SPG7: variants seen among roughly 807,000 people sequenced by gnomAD.
The protein encoded by SPG7 is SPG7 matrix AAA peptidase subunit, paraplegin.
In SPG7, 103 loss-of-function variants were observed where a neutral mutation model predicts 81.9. The observed-to-expected ratio is 1.26, with a 90% CI of 1.07 to 1.48. The LOEUF is 1.48. Among genes scored for constraint, SPG7 ranks in the 40% most tolerant of loss-of-function variants. The pLI is 0.00. For synonymous variants in SPG7, 534 were observed against 444.2 expected (o/e 1.20, Z -2.54); for missense variants, 1,241 against 1,087.3 (o/e 1.14, Z -1.99).
chr16:89,547,774 G>A (rs1226812280), intron 11 of SPG7: 18 of 487,394 alleles, frequency 3.7e-5, no homozygotes, highest in Middle Eastern at 1.1e-3. Flanking sequence ...CACCACGCCC[G>A]GCTAATTTTT....
At chr16:89,536,924 C>T (rs964388374) in intron 9 of SPG7, 15 of 1,614,188 alleles carry the variant, frequency 9.3e-6, no homozygotes, top group Non-Finnish European at 1.3e-5. Flanking sequence ...TAGAGACCAC[C>T]TTTTTGAGTG....
rs772820808 is a variant in SPG7, at chr16:89,553,071, G to A, written c.1872G>A (p.Glu624=). The change falls in exon 14 of 17, where the codon GAG becomes GAA. Residue 624 remains glutamate, a synonymous_variant. Coordinates refer to ENST00000645818, the MANE Select transcript of SPG7 (RefSeq NM_003119.4). ...TCTTCACCAAGGAGCAGCTGTTTGA[G>A]CGGATGTGCATGGCCCTGGGAGGAC... is the stretch of plus-strand genomic sequence containing the variant. ...QHLFTKEQLF[E]RMCMALGGRA... 6.2e-7 allele frequency: 1 copy of A among 1,613,890 alleles called. No homozygotes were observed. Among genetic ancestry groups the A allele is most frequent in the Non-Finnish European group, 8.5e-7 (1 of 1,179,906 alleles).
intron 9 of SPG7, chr16:89,537,092 T>C (rs1346967950): frequency 6.6e-6 from 10 of 1,523,674 alleles, no homozygotes; most frequent in South Asian, 1.2e-5. Context: ...CAAGTCCCTT[T>C]ATGCAGAGCC....
intron 3 of SPG7, 114 bp downstream of exon 3, chr16:89,513,151 A>C (rs2058045023): frequency 6.9e-7 from 1 of 1,454,244 alleles, no homozygotes; most frequent in Non-Finnish European, 9.3e-7. Context: ...GGCCGGGTGC[A>C]GTGGCTCACA....
At chr16:89,520,969 C>G (rs2058180373) in intron 3 of SPG7, 1 of 152,226 alleles carries the variant, frequency 6.6e-6, no homozygotes, top group African/African-American at 2.4e-5. Context: ...CAGGGTTGTA[C>G]TGGTTTGCGC....
rs112132424 is a variant in SPG7 at position 89,552,506 on chromosome 16, G to C, written c.1780-473G>C. 9 of 201,840 alleles carry C rather than the reference G, an allele frequency of 4.5e-5. No homozygotes were observed. The South Asian group carries it at 7.2e-4, about 16-fold the overall frequency. 12.5% of individuals were successfully genotyped at this position (201,840 alleles called of 1,614,324 possible). On this transcript the variant is annotated intron_variant, in intron 13 of 16. Transcript: ENST00000645818. ...TCCCACTCAGCGGTTCCGTGTTGTC[G>C]AGTTAGCTCGTTGCCCCGCGCCACC...
Position 89,508,425 on chromosome 16 carries a change from T to A in SPG7, c.8T>A (p.Val3Glu). The change falls in exon 1 of 17, where the codon GTG becomes GAG. Residue 3 changes from valine (V) to glutamate (E), a missense_variant. Transcript: ENST00000645818. Reference sequence around the variant, plus strand: ...CGCGGCTTTCAGGCCAACATGGCCGTGCTGCTGCTGCTGCTCCGTGCCCTC... The same window carrying A: ...CGCGGCTTTCAGGCCAACATGGCCGAGCTGCTGCTGCTGCTCCGTGCCCTC... MAVLLLLLRALRR... is the reference protein window; with the variant it reads MAELLLLLRALRR... The A allele has an allele frequency of 1.4e-6, 2 of 1,480,140 alleles. No homozygotes were observed. The highest frequency in any genetic ancestry group is 1.8e-6 in the Non-Finnish European group (2 of 1,120,810). 91.7% of individuals were successfully genotyped at this position (1,480,140 alleles called of 1,614,324 possible).
At chr16:89,554,431 G>A in intron 15 of SPG7, 55 bp from the exon 16 acceptor site, 1 of 1,217,550 alleles carries the variant, frequency 8.2e-7, no homozygotes, top group Non-Finnish European at 1.2e-6. Flanking sequence ...TCTGTGCTTT[G>A]GTGCTGGAGC....
rs377521503 is a variant in SPG7, at chr16:89,510,623, A to G, written c.286+31A>G. Reference sequence around the variant, plus strand: ...TATCTGTTTAAAGAAGCAGCTGAGCATGACTGCACACTTACCGCCTCAGCT... The same window carrying G: ...TATCTGTTTAAAGAAGCAGCTGAGCGTGACTGCACACTTACCGCCTCAGCT... On this transcript the variant is annotated intron_variant, in intron 2 of 16. Coordinates refer to ENST00000645818, the MANE Select transcript of SPG7 (RefSeq NM_003119.4). 4.6e-6 allele frequency: 6 copies of G among 1,312,552 alleles called. No homozygotes were observed. In the African/African-American group the frequency reaches 7.2e-5, roughly 16 times the overall value. The allele number at this position is 1,312,552 out of a possible 1,614,324, so 81.3% of individuals were successfully genotyped here.
chr16:89,515,583 A>G (rs2058084633), intron 3 of SPG7, among the ~76,000 whole-genome samples: 2 of 150,250 alleles, frequency 1.3e-5, no homozygotes, highest in African/African-American at 2.4e-5. Flanking sequence ...TTTATAAAAA[A>G]AAATTTGCTG....
chr16:89,532,985 G>T (rs1466388423), intron 9 of SPG7: 10 of 317,992 alleles, frequency 3.1e-5, no homozygotes, highest in Non-Finnish European at 6.1e-5. Flanking sequence ...CTGGAGAATC[G>T]CTTGAACTCG....
At chr16:89,547,858 C>T in intron 11 of SPG7, 145 bp from the exon 12 acceptor site, 1 of 721,124 alleles carries the variant, frequency 1.4e-6, no homozygotes, top group Non-Finnish European at 2.5e-6. Context: ...GGTGATCTGC[C>T]CACCTCAGCC....
At chr16:89,529,612 T>A in intron 6 of SPG7, 33 bp downstream of exon 6, 1 of 1,482,620 alleles carries the variant, frequency 6.7e-7, no homozygotes, top group Non-Finnish European at 9.4e-7. Flanking sequence ...CTCTGAACTC[T>A]TTCTGGTTTG....
intron 13 of SPG7, chr16:89,551,882 C>T (rs1406238845): frequency 1.3e-5 from 2 of 151,980 alleles, no homozygotes; most frequent in African/African-American, 4.8e-5. Flanking sequence ...CAGAGCAAGA[C>T]TGTCTCTCAA....
chr16:89,532,064 G>A lies in SPG7; in HGVS notation c.1148G>A (p.Gly383Glu). The A allele has an allele frequency of 6.2e-7, 1 of 1,612,224 alleles. No homozygotes were observed. The highest frequency in any genetic ancestry group is 1.3e-5 in the African/African-American group (1 of 75,024). Residue 383 changes from glycine to glutamate, a missense_variant and splice_region_variant, in exon 8 of 17, where the codon GGA (glycine) becomes GAA (glutamate). Physicochemically the swap from Gly to Glu is moderately conservative, Grantham distance 98 (BLOSUM62 -2). Coordinates refer to ENST00000645818, the MANE Select transcript of SPG7 (RefSeq NM_003119.4). ...MAGPEFVEVI[G>E]GLGAARVRSL... ...GGCCCAGAGTTCGTGGAGGTCATTGGAGGTAGGTGCTGTGGTTGGGGGCTG... is the reference window on the plus strand; with the variant it reads ...GGCCCAGAGTTCGTGGAGGTCATTGAAGGTAGGTGCTGTGGTTGGGGGCTG...
chr16:89,531,735 C>T (rs1197394300), intron 7 of SPG7, 169 bp from the exon 8 acceptor site: 5 of 683,008 alleles, frequency 7.3e-6, no homozygotes, highest in Admixed American at 2.2e-5. Flanking sequence ...CCCAGCTACT[C>T]GAGAGGCTGA....
chr16:89,546,444 G>A (rs529399245), intron 10 of SPG7: 6 of 537,044 alleles, frequency 1.1e-5, no homozygotes, highest in South Asian at 5.5e-5. Context: ...TTGGGAGGCC[G>A]AGGCAGGTGG....
At chr16:89,531,448 A>T in intron 7 of SPG7, 1 of 200,522 alleles carries the variant, frequency 5.0e-6, no homozygotes, top group Non-Finnish European at 1.0e-5. Context: ...ATCTCGGCTC[A>T]CTACAACCTC....
chr16:89,526,954 A>G (rs578011512), intron 5 of SPG7: 1 of 232,214 alleles, frequency 4.3e-6, no homozygotes, highest in East Asian at 1.3e-4. Flanking sequence ...CCGACGTAGG[A>G]TGGCGAAGTC....
Sources: allele counts gnomAD v4.1 joint callset (sites outside exome capture counted in the v4.1 genomes callset), GRCh38; gene constraint gnomAD v4.1.1; transcripts MANE v1.5; gene names NCBI Gene and HGNC (gene_info 2026-07-23, HGNC 2026-07-21).